Variants in ADCY9 observed in about 807,000 individuals in gnomAD.
ADCY9 encodes the protein adenylate cyclase type 9.
Under a neutral mutation model 101.5 loss-of-function variants are expected in ADCY9, and 50 were observed. The ratio of observed to expected loss-of-function variants is 0.49; its 90% confidence interval spans 0.39 to 0.62. ADCY9 has a LOEUF of 0.62. Ranked by LOEUF, ADCY9 falls within the 20% of genes least tolerant of loss-of-function variation. The pLI is 0.00. For missense variants in ADCY9, 1,662 were observed against 1,800.4 expected (o/e 0.92, Z 1.39); for synonymous variants, 905 against 769.3 (o/e 1.18, Z -2.92).
chr16:3,982,372 G>C (rs921495090), intron 7 of ADCY9: 1 of 152,398 alleles, frequency 6.6e-6, no homozygotes. Flanking sequence ...TTGAAGCCCA[G>C]CTCCGGGGCA....
At chr16:4,033,360 C>G (rs4786456) in intron 2 of ADCY9, among the ~76,000 whole-genome samples, 5 of 151,808 alleles carry the variant, frequency 3.3e-5, no homozygotes, top group African/African-American at 9.7e-5. Context: ...GCAAGATTCC[C>G]GATTCCAAAT....
At position 3,979,275 on chromosome 16, in the gene ADCY9, C is replaced by T; in HGVS notation, c.2520G>A (p.Arg840=). The part of the protein sequence containing the change: ...LEVLSLAVSI[R]MVFFLEDVMA... ...TGACGTCCTCCAGGAAGAACACCAT[C>T]CTGCGAGAGGCATGGGGGTTAGCAG... The change falls in exon 8 of 11, where the codon AGG becomes AGA. Residue 840 remains arginine, a splice_region_variant and synonymous_variant. Transcript: ENST00000294016. The T allele has an allele frequency of 8.1e-6, 13 of 1,613,640 alleles. No individual in the cohort carries two copies. Among genetic ancestry groups the T allele is most frequent in the Non-Finnish European group, 1.1e-5 (13 of 1,179,882 alleles).
chr16:4,021,353 C>T (rs77872928), intron 2 of ADCY9, among the ~76,000 whole-genome samples: 3,443 of 152,290 alleles, frequency 0.023, 62 homozygotes, highest in South Asian at 0.032. Flanking sequence ...CCATCCCTTG[C>T]GCTGAAGCCT....
chr16:3,977,417 C>T (rs898817710), intron 9 of ADCY9, 65 bp downstream of exon 9: 10 of 1,520,632 alleles, frequency 6.6e-6, no homozygotes, highest in Non-Finnish European at 8.9e-6. Flanking sequence ...TGCAGCCAGG[C>T]CCTACGCAAC....
intron 7 of ADCY9, among the ~76,000 whole-genome samples, chr16:3,981,085 G>A (rs764497053): frequency 6.6e-6 from 1 of 152,222 alleles, no homozygotes; most frequent in Non-Finnish European, 1.5e-5. Flanking sequence ...AGAGGGGCCA[G>A]GGAAGCCTTT....
At chr16:3,972,718 T>G (rs2056063247) in intron 10 of ADCY9, among the ~76,000 whole-genome samples, 1 of 152,182 alleles carries the variant, frequency 6.6e-6, no homozygotes, top group Non-Finnish European at 1.5e-5. Flanking sequence ...CACTTTGGTA[T>G]ATTTCAGTGC....
chr16:3,992,091 G>T lies in ADCY9; in HGVS notation c.2207+55C>A, dbSNP rs1198494801. 3.0e-5 allele frequency: 47 copies of T among 1,555,254 alleles called. No homozygotes were observed. Among genetic ancestry groups the T allele is most frequent in the Non-Finnish European group, 3.9e-5 (44 of 1,132,670 alleles). On this transcript the variant is annotated intron_variant, in intron 5 of 10. Transcript: ENST00000294016. This position sits in a 1 kb window ranked among gnomAD's most constrained non-coding sequence, Gnocchi z 4.2. ...GTCTTAAAGAAAAGAAAAGAAAAAG[G>T]CAGAGAGGCTTCTGCCTGCAACCTT...
At chr16:4,011,728 C>T (rs1376591217) in intron 2 of ADCY9, among the ~76,000 whole-genome samples, 1 of 152,158 alleles carries the variant, frequency 6.6e-6, no homozygotes, top group Non-Finnish European at 1.5e-5. Context: ...TGCTTCATCG[C>T]TGCCTCTCAG....
chr16:4,072,730 T>C (rs2056842348), intron 2 of ADCY9, among the ~76,000 whole-genome samples: 1 of 152,054 alleles, frequency 6.6e-6, no homozygotes, highest in Non-Finnish European at 1.5e-5. Flanking sequence ...TCCAAGAAGT[T>C]TAGAGGACTC....
chr16:4,054,732 G>A (rs543012573), intron 2 of ADCY9, among the ~76,000 whole-genome samples: 17 of 152,058 alleles, frequency 1.1e-4, no homozygotes, highest in South Asian at 1.0e-3. Flanking sequence ...CACCATGCCC[G>A]GCTAATTTTG....
At chr16:4,074,375 C>T (rs748570800) in intron 2 of ADCY9, among the ~76,000 whole-genome samples, 49 of 151,296 alleles carry the variant, frequency 3.2e-4, no homozygotes, top group Admixed American at 6.6e-4. Flanking sequence ...AGAAATAAAT[C>T]GATAGAAGAG....
At chr16:4,082,196 C>A (rs1045716885) in intron 2 of ADCY9, among the ~76,000 whole-genome samples, 1 of 151,744 alleles carries the variant, frequency 6.6e-6, no homozygotes, top group Non-Finnish European at 1.5e-5. Context: ...GGCAACATAG[C>A]GAGACCCTGT....
rs780559672 is a variant in ADCY9 at position 3,993,439 on chromosome 16, G to A, written c.1956C>T (p.Asn652=). ...EAGAEGGAPQ[N]GCQDEHKNST... is the part of the protein sequence containing the mutation. ...TGTTTTTATGCTCGTCTTGGCAGCC[G>A]TTTTGAGGTGCTCCTCCCTCGGCGC... Residue 652 remains asparagine (N), a synonymous_variant, in exon 4 of 11, where the codon AAC becomes AAT. Transcript: ENST00000294016. 1.4e-5 allele frequency: 23 copies of A among 1,614,102 alleles called. No homozygotes were observed. Among genetic ancestry groups the A allele is most frequent in the African/African-American group, 9.3e-5 (7 of 74,950 alleles).
intron 2 of ADCY9, among the ~76,000 whole-genome samples, chr16:4,083,712 G>C (rs769151119): frequency 6.6e-6 from 1 of 152,172 alleles, no homozygotes; most frequent in African/African-American, 2.4e-5. Flanking sequence ...CTACACCATG[G>C]GTGAACCCAG....
chr16:3,957,822 CCT>C (rs368185983), downstream of ADCY9, among the ~76,000 whole-genome samples: 89 of 152,274 alleles, frequency 5.8e-4, no homozygotes, highest in African/African-American at 1.8e-3. Context: ...GCATTTCGCT[CCT>C]CTCTCCCTGA....
Position 3,963,166 on chromosome 16 carries a change from T to C in ADCY9, c.*2609A>G, listed in dbSNP as rs2055954337. ...TATGGATATATAATTCGATCTGAGC[T>C]GGGACTGAGAAGAAAATAGCAATTG... On this transcript the variant is annotated 3_prime_UTR_variant, in exon 11 of 11. Coordinates refer to ENST00000294016, the MANE Select transcript of ADCY9 (RefSeq NM_001116.4). 6.9e-6 allele frequency: 2 copies of C among 289,940 alleles called. No individual in the cohort carries two copies. The highest frequency in any genetic ancestry group is 1.2e-4 in the East Asian group (2 of 16,252). 18.0% of individuals were successfully genotyped at this position (289,940 alleles called of 1,614,324 possible).
chr16:4,105,888 T>C (rs962219257), intron 2 of ADCY9, among the ~76,000 whole-genome samples: 1 of 152,068 alleles, frequency 6.6e-6, no homozygotes, highest in African/African-American at 2.4e-5. Flanking sequence ...CAATTTCTAC[T>C]GGATTAGAGG....
At chr16:4,109,115 A>C (rs899797137) in intron 2 of ADCY9, among the ~76,000 whole-genome samples, 1 of 151,964 alleles carries the variant, frequency 6.6e-6, no homozygotes, top group African/African-American at 2.4e-5. Flanking sequence ...CGTACACCCC[A>C]TCTGCTGTAT....
rs965129553 is a variant in ADCY9 at position 3,991,209 on chromosome 16, A to G, written c.2207+937T>C. 3.9e-4 allele frequency among the ~76,000 whole-genome samples: 60 copies of G among 152,172 alleles called. 2 individuals are homozygous for G. Among genetic ancestry groups the G allele is most frequent in the Admixed American group, 3.9e-3 (59 of 15,268 alleles). On this transcript the variant is annotated intron_variant, in intron 5 of 10. Transcript: ENST00000294016. ...TGAAATATGTACAAGATCTTCAAGTATTTTCTCACAGATTGCTTATTAGTC... is the reference window on the plus strand; with the variant it reads ...TGAAATATGTACAAGATCTTCAAGTGTTTTCTCACAGATTGCTTATTAGTC...
Sources: allele counts gnomAD v4.1 joint callset (sites outside exome capture counted in the v4.1 genomes callset), GRCh38; gene constraint gnomAD v4.1.1; non-coding constraint Gnocchi (gnomAD v3.1); transcripts MANE v1.5; gene names NCBI Gene and HGNC (gene_info 2026-07-23, HGNC 2026-07-21).